SMARCD3: variants seen among roughly 807,000 people sequenced by gnomAD.
The protein encoded by SMARCD3 is SWI/SNF-related matrix-associated actin-dependent regulator of chromatin subfamily D member 3.
In SMARCD3, 14 loss-of-function variants were observed where a neutral mutation model predicts 58.0. That is an observed-to-expected ratio of 0.24 (90% confidence interval 0.16 to 0.38). The LOEUF (loss-of-function observed/expected upper bound fraction) is 0.38. SMARCD3 is among the 10% of genes least tolerant of loss of function. The pLI, the probability that SMARCD3 is intolerant of heterozygous loss-of-function variation, is 1.00. For missense variants in SMARCD3, 408 were observed against 636.9 expected (o/e 0.64, Z 3.87); for synonymous variants, 253 against 253.8 (o/e 1.00, Z 0.03).
rs2150591632 is a variant in SMARCD3 at position 151,242,066 on chromosome 7, G to T, written c.675+71C>A. The T allele has an allele frequency of 6.5e-7, 1 of 1,539,074 alleles. No homozygotes were observed. The highest frequency in any genetic ancestry group is 9.0e-7 in the Non-Finnish European group (1 of 1,112,062). On this transcript the variant is annotated intron_variant, in intron 6 of 12. Coordinates refer to ENST00000262188, the MANE Select transcript of SMARCD3 (RefSeq NM_001003801.2). This position sits in a 1 kb window ranked among gnomAD's most constrained non-coding sequence, Gnocchi z 4.7. The stretch of plus-strand genomic sequence containing the variant: ...CTAGGGTGGTCCCTGACCCAAATCT[G>T]TGCTGGTTCTTCAGGGATTCTGGCC...
At chr7:151,267,848 A>T (rs1489518336) in intron 2 of SMARCD3, among the ~76,000 whole-genome samples, 1 of 152,114 alleles carries the variant, frequency 6.6e-6, no homozygotes, top group Non-Finnish European at 1.5e-5. Flanking sequence ...ATGGTGGTGC[A>T]CACCTGTAGT....
In SMARCD3 at chr7:151,242,721, C is replaced by T. The variant is rs761327626; in HGVS notation, c.456G>A (p.Lys152=). The T allele has an allele frequency of 6.2e-7, 1 of 1,614,116 alleles. No individual in the cohort carries two copies. Among genetic ancestry groups the T allele is most frequent in the Non-Finnish European group, 8.5e-7 (1 of 1,179,998 alleles). ...CCTTCCTACCCCCGAACTAAGGCACCTTCATGGGCCTCTTCAGAGCCTCCT... is the reference window on the plus strand; with the variant it reads ...CCTTCCTACCCCCGAACTAAGGCACTTTCATGGGCCTCTTCAGAGCCTCCT... The part of the protein sequence containing the change: ...DIQEALKRPM[K]QKRKLRLYIS... The change falls in exon 4 of 13, where the codon AAG becomes AAA. Residue 152 remains lysine, a splice_region_variant and synonymous_variant. Transcript: ENST00000262188. The surrounding 1 kb of genome is among the most constrained non-coding windows in gnomAD (Gnocchi z 4.7).
intron 2 of SMARCD3, among the ~76,000 whole-genome samples, chr7:151,258,083 G>T (rs994499576): frequency 3.9e-5 from 6 of 152,074 alleles, no homozygotes; most frequent in African/African-American, 1.2e-4. Flanking sequence ...GGAACACCCT[G>T]GACCCCTGCC....
At chr7:151,274,423 T>G (rs959933933) in intron 2 of SMARCD3, among the ~76,000 whole-genome samples, 4 of 152,222 alleles carry the variant, frequency 2.6e-5, no homozygotes, top group Non-Finnish European at 5.9e-5. Flanking sequence ...CATCTTCCTC[T>G]CACTCCTTGA....
chr7:151,262,759 G>A (rs1016957514), intron 2 of SMARCD3, among the ~76,000 whole-genome samples: 2 of 152,226 alleles, frequency 1.3e-5, no homozygotes, highest in Admixed American at 1.3e-4. Flanking sequence ...GCAAGACCCT[G>A]AGCACAGCCA....
rs755030903 is a variant in SMARCD3 at position 151,241,873 on chromosome 7, A to C, written c.777+4T>G. 1.2e-6 allele frequency: 2 copies of C among 1,606,322 alleles called. No individual in the cohort carries two copies. The highest frequency in any genetic ancestry group is 2.2e-5 in the South Asian group (2 of 90,140). ...GTGTACGGGGCAGCATGGCAGGTGC[A>C]GACCTGGTAGTCCAGCATGAGGAGC... On this transcript the variant is annotated splice_donor_region_variant and intron_variant, in intron 7 of 12. Coordinates refer to ENST00000262188, the MANE Select transcript of SMARCD3 (RefSeq NM_001003801.2). The surrounding 1 kb of genome is among the most constrained non-coding windows in gnomAD (Gnocchi z 5.3).
rs779388635 is a variant in SMARCD3, at chr7:151,248,505, C to G, written c.58G>C (p.Glu20Gln). 1 of 1,612,800 alleles carries G rather than the reference C, an allele frequency of 6.2e-7. No individual in the cohort carries two copies. The highest frequency in any genetic ancestry group is 1.1e-5 in the South Asian group (1 of 90,924). Reference protein sequence around the residue: ...ARKATKSKLFEFLVHGVRPGM... With the variant: ...ARKATKSKLFQFLVHGVRPGM... ...CTCACCACCCCATGGACCAGAAACT[C>G]AAAAAGTTTGCTTTTCGTGGCTTTG... Residue 20 changes from glutamate to glutamine, a missense_variant, in exon 1 of 13, where the codon GAG becomes CAG. Physicochemically the swap from Glu to Gln is conservative, Grantham distance 29. Around this residue, in one of 4 missense-constraint regions of SMARCD3, gnomAD observed 84 missense variants for 81.2 expected, o/e 1.03. Transcript: ENST00000262188. This position sits in a 1 kb window ranked among gnomAD's most constrained non-coding sequence, Gnocchi z 6.1.
At chr7:151,264,378 A>G (rs967236541) in intron 2 of SMARCD3, among the ~76,000 whole-genome samples, 1 of 152,138 alleles carries the variant, frequency 6.6e-6, no homozygotes, top group Non-Finnish European at 1.5e-5. Context: ...ATTTTGCCCC[A>G]AAACAGAGAG....
chr7:151,270,789 C>T (rs6464136), intron 2 of SMARCD3, among the ~76,000 whole-genome samples: 95,866 of 152,048 alleles, frequency 0.63, 32,315 homozygotes, highest in African/African-American at 0.86. Context: ...TGTGCTGGGC[C>T]GGGGTCTGAT....
intron 2 of SMARCD3, among the ~76,000 whole-genome samples, chr7:151,271,129 G>T (rs1204322100): frequency 6.6e-6 from 1 of 152,094 alleles, no homozygotes; most frequent in Non-Finnish European, 1.5e-5. Context: ...GAATGACCCT[G>T]GCCCTCTCCC....
Position 151,243,513 on chromosome 7 carries a change from C to G in SMARCD3, c.333+146G>C, listed in dbSNP as rs369127350. Reference sequence around the variant, plus strand: ...CCTCCACCTCACCCCCTCCCTCTGGCCTGCGGAGCCTCACTTATTAATGAG... The same window carrying G: ...CCTCCACCTCACCCCCTCCCTCTGGGCTGCGGAGCCTCACTTATTAATGAG... On this transcript the variant is annotated intron_variant, in intron 3 of 12. Transcript: ENST00000262188. This position sits in a 1 kb window ranked among gnomAD's most constrained non-coding sequence, Gnocchi z 4.4. 5.6e-5 allele frequency: 37 copies of G among 656,188 alleles called. No homozygotes were observed. Among genetic ancestry groups the G allele is most frequent in the African/African-American group, 4.5e-4 (25 of 56,104 alleles). 40.6% of individuals were successfully genotyped at this position (656,188 alleles called of 1,614,324 possible).
chr7:151,254,410 C>T (rs574375456), intron 2 of SMARCD3: 7 of 152,496 alleles, frequency 4.6e-5, no homozygotes, highest in Non-Finnish European at 7.3e-5. Flanking sequence ...CCATGTGGCC[C>T]GGGGAATGCC....
At chr7:151,252,431 G>A (rs895129558), upstream of SMARCD3, among the ~76,000 whole-genome samples, 6 of 131,340 alleles carry the variant, frequency 4.6e-5, no homozygotes, top group Admixed American at 7.9e-5. Context: ...GTGTGTGTGT[G>A]TGTGTGTGTG....
chr7:151,274,399 G>A (rs552817555), intron 2 of SMARCD3, among the ~76,000 whole-genome samples: 10 of 152,342 alleles, frequency 6.6e-5, no homozygotes, highest in Admixed American at 6.5e-5. Flanking sequence ...GGACTGATGC[G>A]GACAAATGCA....
chr7:151,243,802 G>GTGGGAACCCCAGCCA lies in SMARCD3; in HGVS notation c.291-102_291-101insTGGCTGGGGTTCCCA. 1.1e-6 allele frequency: 1 copy of GTGGGAACCCCAGCCA among 878,376 alleles called. No homozygotes were observed. The highest frequency in any genetic ancestry group is 2.0e-6 in the Non-Finnish European group (1 of 512,334). 54.4% of individuals were successfully genotyped at this position (878,376 alleles called of 1,614,324 possible). A position where few individuals can be genotyped will look rare whatever the true frequency, so the allele number is the denominator to read the frequency against. On this transcript the variant is annotated intron_variant, in intron 2 of 12. Coordinates refer to ENST00000262188, the MANE Select transcript of SMARCD3 (RefSeq NM_001003801.2). This position sits in a 1 kb window ranked among gnomAD's most constrained non-coding sequence, Gnocchi z 4.4. ...TCCCGACATCTCCGCCCGCCTGGCT[G>GTGGGAACCCCAGCCA]GGGTTCCCACAGCCCACTTGTCTGC...
chr7:151,239,292 G>A lies in SMARCD3; in HGVS notation c.1398+104C>T, dbSNP rs931882839. Reference sequence around the variant, plus strand: ...CCATTGCATGGTGAGGCAGCGTGGTGAAGCTTTACTGTGGGGAGCTGCGAG... The same window carrying A: ...CCATTGCATGGTGAGGCAGCGTGGTAAAGCTTTACTGTGGGGAGCTGCGAG... On this transcript the variant is annotated intron_variant, in intron 12 of 12. Transcript: ENST00000262188. The surrounding 1 kb of genome is among the most constrained non-coding windows in gnomAD (Gnocchi z 7.0). 7.6e-7 allele frequency: 1 copy of A among 1,321,800 alleles called. No homozygotes were observed. Among genetic ancestry groups the A allele is most frequent in the African/African-American group, 1.4e-5 (1 of 69,262 alleles). 81.9% of individuals were successfully genotyped at this position (1,321,800 alleles called of 1,614,324 possible).
In SMARCD3 at chr7:151,259,615, T is replaced by G. The variant is rs866740522; in HGVS notation, c.40-13944A>C. Among the ~76,000 whole-genome samples, 540 of 134,286 alleles carry G rather than the reference T, an allele frequency of 4.0e-3. 11 individuals are homozygous for G. The highest frequency in any genetic ancestry group is 0.015 in the African/African-American group (515 of 34,358). The allele number at this position is 134,286 out of a possible 152,430, so 88.1% of individuals were successfully genotyped here. A position where few individuals can be genotyped will look rare whatever the true frequency, so the allele number is the denominator to read the frequency against. On this transcript the variant is annotated intron_variant, in intron 2 of 13. Transcript: ENST00000356800. ...ACAACCTGAGAGTTTTTTTTTTTTT[T>G]TTTTTTTTTTTGAGACGGACTTTCA...
rs1414604468 is a variant in SMARCD3, at chr7:151,241,437, C to T, written c.939+55G>A. ...TAGTTACCTTGGTAGAGGTACTTCC[C>T]CTGCTGGAGAACTCCGCCTGCTCCC... On this transcript the variant is annotated intron_variant, in intron 8 of 12. Coordinates refer to ENST00000262188, the MANE Select transcript of SMARCD3 (RefSeq NM_001003801.2). This position sits in a 1 kb window ranked among gnomAD's most constrained non-coding sequence, Gnocchi z 5.3. The T allele has an allele frequency of 8.0e-6, 12 of 1,500,620 alleles. No homozygotes were observed. Among genetic ancestry groups the T allele is most frequent in the Non-Finnish European group, 1.0e-5 (11 of 1,088,528 alleles). The allele number at this position is 1,500,620 out of a possible 1,614,324, so 93.0% of individuals were successfully genotyped here. A position where few individuals can be genotyped will look rare whatever the true frequency, so the allele number is the denominator to read the frequency against.
At chr7:151,273,403 T>C (rs935614498) in intron 2 of SMARCD3, among the ~76,000 whole-genome samples, 1 of 152,142 alleles carries the variant, frequency 6.6e-6, no homozygotes, top group Admixed American at 6.5e-5. Context: ...GAAGGGCATG[T>C]CAAATATTAG....
Sources: allele counts gnomAD v4.1 joint callset (sites outside exome capture counted in the v4.1 genomes callset), GRCh38; gene constraint gnomAD v4.1.1; regional missense constraint gnomAD v4.1.1; non-coding constraint Gnocchi (gnomAD v3.1); transcripts MANE v1.5; gene names NCBI Gene and HGNC (gene_info 2026-07-23, HGNC 2026-07-21).